EPM2A: variants seen among roughly 807,000 people sequenced by gnomAD.
EPM2A encodes the protein laforin.
EPM2A carries 21 observed loss-of-function variants against 26.5 expected under a neutral mutation model. That is an observed-to-expected ratio of 0.79 (90% CI 0.56 to 1.14). EPM2A has a LOEUF of 1.14. Among genes scored for constraint, EPM2A ranks in the 50% most tolerant of loss-of-function variants. The pLI is 0.00. For missense variants in EPM2A, 458 were observed against 440.8 expected (o/e 1.04, Z -0.35); for synonymous variants, 217 against 177.6 (o/e 1.22, Z -1.76).
chr6:145,594,520 A>T (rs1781315496), intron 2 of EPM2A, among the ~76,000 whole-genome samples: 1 of 151,530 alleles, frequency 6.6e-6, no homozygotes. Context: ...ACAGGCCAAT[A>T]TCTCTCATGC....
intron 1 of EPM2A, chr6:145,734,984 A>C: frequency 1.5e-5 from 5 of 339,292 alleles, no homozygotes; most frequent in Non-Finnish European, 2.6e-5. Flanking sequence ...GGTCTAGGGA[A>C]TCAGTAGGAA....
At chr6:145,559,451 G>A (rs115389981) in intron 2 of EPM2A, among the ~76,000 whole-genome samples, 2,355 of 152,160 alleles carry the variant, frequency 0.015, 68 homozygotes, top group African/African-American at 0.053. Context: ...CAGACTGTGT[G>A]AAAATTAAAG....
chr6:145,455,757 T>C (rs1779255566), intron 4 of EPM2A, among the ~76,000 whole-genome samples: 2 of 152,220 alleles, frequency 1.3e-5, no homozygotes, highest in Admixed American at 1.3e-4. Flanking sequence ...AACAAGATAG[T>C]CATTTGTTTC....
At chr6:145,509,294 T>A (rs1780020842) in intron 2 of EPM2A, among the ~76,000 whole-genome samples, 1 of 152,134 alleles carries the variant, frequency 6.6e-6, no homozygotes, top group Admixed American at 6.5e-5. Context: ...GTCATCAGAC[T>A]ATCCAAGGTC....
intron 2 of EPM2A, among the ~76,000 whole-genome samples, chr6:145,555,822 A>G (rs577283949): frequency 6.6e-6 from 1 of 151,456 alleles, no homozygotes; most frequent in African/African-American, 2.4e-5. Flanking sequence ...TATTCCACAC[A>G]CTCCCCCCAC....
At chr6:145,568,615 G>A (rs571635949) in intron 2 of EPM2A, among the ~76,000 whole-genome samples, 49 of 152,224 alleles carry the variant, frequency 3.2e-4, no homozygotes, top group African/African-American at 1.2e-3. Context: ...GAGCCACTGC[G>A]CCCGGCCTGG....
intron 2 of EPM2A, among the ~76,000 whole-genome samples, chr6:145,542,427 C>T (rs1314914207): frequency 6.6e-6 from 1 of 152,198 alleles, no homozygotes; most frequent in African/African-American, 2.4e-5. Flanking sequence ...TCAATTCTGA[C>T]TGAAGTGTCC....
At chr6:145,682,285 C>A (rs1468589062) in intron 2 of EPM2A, 1 of 152,176 alleles carries the variant, frequency 6.6e-6, no homozygotes, top group East Asian at 1.9e-4. Flanking sequence ...ATGGGAAAGA[C>A]TCGCCCCCAT....
chr6:145,705,676 T>C, intron 1 of EPM2A: 1 of 413,286 alleles, frequency 2.4e-6, no homozygotes, highest in Non-Finnish European at 4.9e-6. Flanking sequence ...ATCAAGGCAA[T>C]CCCTATTTGA....
At chr6:145,715,805 A>G (rs974959115) in intron 1 of EPM2A, among the ~76,000 whole-genome samples, 6 of 152,146 alleles carry the variant, frequency 3.9e-5, no homozygotes, top group Non-Finnish European at 7.4e-5. Context: ...GTCTTCTCCA[A>G]CCCACAGATG....
rs1776606241 is a variant in EPM2A at position 145,635,636 on chromosome 6, A to T, written c.477-150T>A. Reference sequence around the variant, plus strand: ...ATTTTAGAATATGAACACCAATGTTATTATTGAAAGAAAAAGTACTGGTGT... The same window carrying T: ...ATTTTAGAATATGAACACCAATGTTTTTATTGAAAGAAAAAGTACTGGTGT... On this transcript the variant is annotated intron_variant, in intron 2 of 3. Transcript: ENST00000367519. 4.1e-6 allele frequency: 3 copies of T among 738,452 alleles called. No homozygotes were observed. The Admixed American group carries it at 7.0e-5, about 17-fold the overall frequency. 45.7% of individuals were successfully genotyped at this position (738,452 alleles called of 1,614,324 possible).
intron 3 of EPM2A, chr6:145,633,751 G>T (rs1458186717): frequency 6.6e-6 from 1 of 152,248 alleles, no homozygotes; most frequent in Non-Finnish European, 1.5e-5. Flanking sequence ...CCTAACTCCA[G>T]ATGATCATGA....
chr6:145,667,946 T>C (rs1397438068), intron 2 of EPM2A, among the ~76,000 whole-genome samples: 3 of 146,514 alleles, frequency 2.0e-5, no homozygotes, highest in Non-Finnish European at 4.5e-5. Context: ...TTCTCACTCA[T>C]AGGTGGGAAT....
chr6:145,735,733 C>A (rs1776845223), upstream of EPM2A: 2 of 778,332 alleles, frequency 2.6e-6, no homozygotes, highest in Non-Finnish European at 3.2e-6. Context: ...TTGTGCCCCG[C>A]AACCCCGCGG....
chr6:145,559,619 TTTC>T lies in EPM2A; in HGVS notation c.341-57047_341-57045del, dbSNP rs1359108988. ...CAGTAAAGTGGAGACAAAGAGAAAA[TTTC>T]TTCTTCACAATTTTGCCTATGGATG... On this transcript the variant is annotated intron_variant, in intron 2 of 3. Transcript: ENST00000450221. Among the ~76,000 whole-genome samples, 5 of 151,260 alleles carry T rather than the reference TTTC, an allele frequency of 3.3e-5. No individual in the cohort carries two copies. In the East Asian group the frequency reaches 7.8e-4, roughly 24 times the overall value.
At chr6:145,534,852 C>A (rs1200176071) in intron 2 of EPM2A, among the ~76,000 whole-genome samples, 1 of 152,148 alleles carries the variant, frequency 6.6e-6, no homozygotes, top group Non-Finnish European at 1.5e-5. Flanking sequence ...ACAATAAGTT[C>A]AGTTTCCATG....
intron 2 of EPM2A, among the ~76,000 whole-genome samples, chr6:145,530,828 G>T (rs942643156): frequency 6.6e-6 from 1 of 152,082 alleles, no homozygotes; most frequent in Non-Finnish European, 1.5e-5. Context: ...CTTCTAGAAG[G>T]GGTTGGCAAG....
At chr6:145,408,556 T>A (rs1357072383) in intron 4 of EPM2A, among the ~76,000 whole-genome samples, 2 of 152,298 alleles carry the variant, frequency 1.3e-5, no homozygotes, top group South Asian at 2.1e-4. Context: ...CCATGTTAAA[T>A]TCTCCTCAAT....
chr6:145,438,989 G>A (rs1453847363), intron 4 of EPM2A, among the ~76,000 whole-genome samples: 1 of 151,804 alleles, frequency 6.6e-6, no homozygotes, highest in Non-Finnish European at 1.5e-5. Flanking sequence ...GTAGGCCCCT[G>A]TATCTGTTGT....
Sources: gnomAD v4.1 joint callset for allele counts (sites outside exome capture counted in the v4.1 genomes callset) on GRCh38, gnomAD v4.1.1 for gene constraint, MANE v1.5 for transcripts, NCBI Gene and HGNC (gene_info 2026-07-23, HGNC 2026-07-21) for gene names.